The following RASGRP1 variants were observed in gnomAD, a reference collection of about 807,000 sequenced individuals.
RASGRP1 encodes the protein RAS guanyl-releasing protein 1.
A neutral mutation model predicts 95.1 loss-of-function variants in RASGRP1; 37 were observed. The ratio of observed to expected loss-of-function variants is 0.39; its 90% CI spans 0.30 to 0.51. RASGRP1 has a LOEUF of 0.51. Ranked by LOEUF, RASGRP1 falls within the 20% of genes least tolerant of loss-of-function variation. RASGRP1 has a pLI of 0.80. For missense variants in RASGRP1, 711 were observed against 965.4 expected (o/e 0.74, Z 3.49); for synonymous variants, 325 against 353.4 (o/e 0.92, Z 0.90).
At chr15:38,521,745 C>G (rs1892009992) in intron 3 of RASGRP1, among the ~76,000 whole-genome samples, 1 of 152,192 alleles carries the variant, frequency 6.6e-6, no homozygotes, top group Non-Finnish European at 1.5e-5. Context: ...ACAGTTCTGA[C>G]TGTACTTTTC....
intron 12 of RASGRP1, chr15:38,501,508 T>G: frequency 1.5e-6 from 1 of 682,910 alleles, no homozygotes; most frequent in East Asian, 2.9e-5. Flanking sequence ...CACAGAGGTG[T>G]TCTTTGGCCA....
intron 8 of RASGRP1, 118 bp from the exon 9 acceptor site, chr15:38,508,119 G>A: frequency 8.6e-7 from 1 of 1,167,640 alleles, no homozygotes; most frequent in Non-Finnish European, 1.2e-6. Flanking sequence ...AATTTGTTGA[G>A]CAGGGGGTAA....
At chr15:38,536,813 T>C (rs1892667577) in intron 2 of RASGRP1, among the ~76,000 whole-genome samples, 1 of 152,222 alleles carries the variant, frequency 6.6e-6, no homozygotes. Flanking sequence ...AACAGTCTCG[T>C]ACAAAAAAAC....
chr15:38,488,162 G>T lies in RASGRP1; in HGVS notation c.*2392C>A, dbSNP rs1890425099. 1 of 151,888 alleles carries T rather than the reference G, an allele frequency of 6.6e-6. No individual in the cohort carries two copies. The highest frequency in any genetic ancestry group is 2.4e-5 in the African/African-American group (1 of 41,384). 9.4% of individuals were successfully genotyped at this position (151,888 alleles called of 1,614,324 possible). On this transcript the variant is annotated 3_prime_UTR_variant, in exon 17 of 17. Transcript: ENST00000310803. ...ATTACACAAAGAAAACTTACATTAG[G>T]TATCAAAAAACTTTACAATCTGTAC...
chr15:38,499,024 C>G, intron 14 of RASGRP1, 78 bp from the exon 15 acceptor site: 1 of 1,572,486 alleles, frequency 6.4e-7, no homozygotes, highest in Middle Eastern at 1.7e-4. Flanking sequence ...CAAATTCATG[C>G]AGTGCTTTCT....
intron 15 of RASGRP1, among the ~76,000 whole-genome samples, chr15:38,496,810 C>T (rs1374950863): frequency 6.6e-6 from 1 of 152,128 alleles, no homozygotes; most frequent in African/African-American, 2.4e-5. Flanking sequence ...GCATTTCTTA[C>T]ATGGAAGTGA....
At chr15:38,548,939 CCA>C (rs1307086433) in intron 2 of RASGRP1, among the ~76,000 whole-genome samples, 1 of 152,114 alleles carries the variant, frequency 6.6e-6, no homozygotes, top group Non-Finnish European at 1.5e-5. Flanking sequence ...GGTGGGGGGA[CCA>C]CAGACACAAT....
chr15:38,492,272 T>C (rs1363571715), intron 16 of RASGRP1, among the ~76,000 whole-genome samples: 1 of 152,204 alleles, frequency 6.6e-6, no homozygotes, highest in East Asian at 1.9e-4. Context: ...AAATCTGTTG[T>C]TCTTTTTTCG....
chr15:38,512,595 C>T (rs1400064542), intron 7 of RASGRP1, among the ~76,000 whole-genome samples, 188 bp downstream of exon 7: 1 of 152,208 alleles, frequency 6.6e-6, no homozygotes, highest in African/African-American at 2.4e-5. Context: ...CCCCTCCACA[C>T]TGTCCTTGTA....
rs187969240 is a variant in RASGRP1, at chr15:38,510,725, C to T, written c.966+879G>A. On this transcript the variant is annotated intron_variant, in intron 8 of 16. Coordinates refer to ENST00000310803, the MANE Select transcript of RASGRP1 (RefSeq NM_005739.4). ...CTGTAATTCCAATACTTTAGGAGGC[C>T]GAGATGGGAGGATCGCTTGAGGCCA... Among the ~76,000 whole-genome samples the T allele has an allele frequency of 2.1e-4, 32 of 152,270 alleles. 1 individual carries two copies. Among genetic ancestry groups the T allele is most frequent in the Admixed American group, 3.9e-4 (6 of 15,302 alleles).
chr15:38,488,390 A>AG lies in RASGRP1; in HGVS notation c.*2163dup, dbSNP rs1233771881. 2.4e-4 allele frequency: 31 copies of AG among 127,412 alleles called. No individual in the cohort carries two copies. Among genetic ancestry groups the AG allele is most frequent in the Admixed American group, 1.6e-4 (2 of 12,860 alleles). The allele number at this position is 127,412 out of a possible 1,614,324, so 7.9% of individuals were successfully genotyped here. On this transcript the variant is annotated 3_prime_UTR_variant, in exon 17 of 17. Transcript: ENST00000310803. ...ATTTACACTAGGCTTGATAAGCCAAAGCCTTTTTTTTTTTTTTCCAGATTT... is the reference window on the plus strand; with the variant it reads ...ATTTACACTAGGCTTGATAAGCCAAAGGCCTTTTTTTTTTTTTTCCAGATTT...
chr15:38,504,475 A>G (rs1891173554), intron 10 of RASGRP1: 1 of 152,170 alleles, frequency 6.6e-6, no homozygotes, highest in Non-Finnish European at 1.5e-5. Context: ...CTAAGGTACA[A>G]TTACACTCAT....
intron 2 of RASGRP1, among the ~76,000 whole-genome samples, chr15:38,536,697 C>T (rs1304218245): frequency 6.6e-6 from 1 of 152,180 alleles, no homozygotes; most frequent in Non-Finnish European, 1.5e-5. Flanking sequence ...TTGTGGGAAA[C>T]AGTGTATGCT....
intron 6 of RASGRP1, among the ~76,000 whole-genome samples, chr15:38,513,426 T>G (rs1891625878): frequency 6.6e-6 from 1 of 152,238 alleles, no homozygotes; most frequent in Non-Finnish European, 1.5e-5. Context: ...AGAATTGTTA[T>G]GAAGATCAAA....
intron 6 of RASGRP1, among the ~76,000 whole-genome samples, chr15:38,515,341 G>A (rs577169366): frequency 6.6e-6 from 1 of 152,308 alleles, no homozygotes; most frequent in Non-Finnish European, 1.5e-5. Context: ...TTTTTAGCAC[G>A]GAGGTGAAGA....
intron 2 of RASGRP1, among the ~76,000 whole-genome samples, chr15:38,527,747 G>A (rs181023739): frequency 6.6e-5 from 10 of 152,236 alleles, no homozygotes; most frequent in Non-Finnish European, 1.3e-4. Flanking sequence ...TTTGGGCTCA[G>A]GATTCAGAAG....
Position 38,564,646 on chromosome 15 carries a change from C to T in RASGRP1, c.-18G>A, listed in dbSNP as rs2141206468. On this transcript the variant is annotated 5_prime_UTR_variant, in exon 1 of 17. Coordinates refer to ENST00000310803, the MANE Select transcript of RASGRP1 (RefSeq NM_005739.4). ...GTGCCCATGGCCGCGGCCCGCGCTC[C>T]CGGTGCCGGCTCACCTAGCGCGGCC... 4.5e-6 allele frequency: 6 copies of T among 1,318,892 alleles called. No individual in the cohort carries two copies. Among genetic ancestry groups the T allele is most frequent in the East Asian group, 3.1e-5 (1 of 32,050 alleles). 81.7% of individuals were successfully genotyped at this position (1,318,892 alleles called of 1,614,324 possible).
intron 6 of RASGRP1, among the ~76,000 whole-genome samples, chr15:38,515,910 A>AGTGT (rs1555401575): frequency 0.015 from 2,167 of 143,518 alleles, 55 homozygotes; most frequent in African/African-American, 0.053. Context: ...AGAGAGAGAG[A>AGTGT]GTGTGTGTGT....
Position 38,498,818 on chromosome 15 carries a change from A to G in RASGRP1, c.1849T>C (p.Leu617=), listed in dbSNP as rs766589590. ...CCATGGAGCAGATCTTTGGCTCCCA[A>G]TGAGCAAAGGTTGGACACTGGCCCC... ...SVGPVSNLCS[L]GAKDLLHAPE... The change falls in exon 15 of 17, where the codon TTG becomes CTG. Residue 617 remains leucine (L), a synonymous_variant. Coordinates refer to ENST00000310803, the MANE Select transcript of RASGRP1 (RefSeq NM_005739.4). 76 of 1,613,434 alleles carry G rather than the reference A, an allele frequency of 4.7e-5. 1 individual carries two copies. Among genetic ancestry groups the G allele is most frequent in the South Asian group, 3.1e-4 (28 of 91,040 alleles).
Sources: gnomAD v4.1 joint callset for allele counts (sites outside exome capture counted in the v4.1 genomes callset) on GRCh38, gnomAD v4.1.1 for gene constraint, MANE v1.5 for transcripts, NCBI Gene and HGNC (gene_info 2026-07-23, HGNC 2026-07-21) for gene names.